PTPRD: variants seen among roughly 807,000 people sequenced by gnomAD.
The protein encoded by PTPRD is receptor-type tyrosine-protein phosphatase delta.
PTPRD carries 34 observed loss-of-function variants against 214.5 expected under a neutral mutation model. The observed-to-expected ratio is 0.16, with a 90% CI of 0.12 to 0.21. The LOEUF (loss-of-function observed/expected upper bound fraction) is 0.21. PTPRD is among the 10% of genes least tolerant of loss of function. The pLI is 1.00. For missense variants in PTPRD, 2,545 were observed against 2,398.7 expected (o/e 1.06, Z -1.27); for synonymous variants, 1,128 against 845.7 (o/e 1.33, Z -5.79).
chr9:9,975,058 C>G (rs2382092), intron 4 of PTPRD, among the ~76,000 whole-genome samples: 87,697 of 132,802 alleles, frequency 0.66, 26,418 homozygotes, highest in Middle Eastern at 0.8. Context: ...GGTCGTATCA[C>G]AATCAACTGA....
At chr9:10,295,124 A>T (rs1257766945) in intron 3 of PTPRD, among the ~76,000 whole-genome samples, 3 of 152,090 alleles carry the variant, frequency 2.0e-5, no homozygotes, top group Admixed American at 1.3e-4. Flanking sequence ...TATTGTATAC[A>T]TGGATTGCCT....
chr9:10,233,231 T>A (rs923854722), intron 3 of PTPRD, among the ~76,000 whole-genome samples: 1 of 151,992 alleles, frequency 6.6e-6, no homozygotes, highest in African/African-American at 2.4e-5. Context: ...GTGACTAAGG[T>A]CTAAGAAGGA....
chr9:9,186,423 A>C (rs979803743), intron 9 of PTPRD, among the ~76,000 whole-genome samples: 1 of 152,106 alleles, frequency 6.6e-6, no homozygotes. Flanking sequence ...AAGCCTGGGC[A>C]ACATCATAAG....
intron 11 of PTPRD, among the ~76,000 whole-genome samples, chr9:8,804,761 T>C (rs10481625): frequency 0.74 from 112,374 of 151,984 alleles, 41,575 homozygotes; most frequent in Middle Eastern, 0.82. Flanking sequence ...CCTTTTAGTG[T>C]GCTGAAGAAA....
chr9:9,620,941 T>C (rs1167143281), intron 7 of PTPRD, among the ~76,000 whole-genome samples: 1 of 152,002 alleles, frequency 6.6e-6, no homozygotes, highest in African/African-American at 2.4e-5. Flanking sequence ...TAATAGCCTT[T>C]ATTGCAAGCC....
rs1592712097 is a variant in PTPRD at position 9,163,550 on chromosome 9, G to A, written c.-143+19754C>T. Among the ~76,000 whole-genome samples, 2 of 150,914 alleles carry A rather than the reference G, an allele frequency of 1.3e-5. 1 individual carries two copies. Among genetic ancestry groups the A allele is most frequent in the Middle Eastern group, 6.9e-3 (2 of 290 alleles). Reference sequence around the variant, plus strand: ...TATGTATTTTTTCTCCTCATTGGTTGCCATCTCTTCCTAATTGGCCTTTTT... The same window carrying A: ...TATGTATTTTTTCTCCTCATTGGTTACCATCTCTTCCTAATTGGCCTTTTT... On this transcript the variant is annotated intron_variant, in intron 10 of 45. Coordinates refer to ENST00000381196, the MANE Select transcript of PTPRD (RefSeq NM_002839.4).
intron 33 of PTPRD, among the ~76,000 whole-genome samples, chr9:8,457,171 T>G (rs776955135): frequency 1.3e-5 from 2 of 152,132 alleles, no homozygotes; most frequent in Non-Finnish European, 2.9e-5. Context: ...AACTTTGTAA[T>G]GAAGAAATGT....
intron 3 of PTPRD, among the ~76,000 whole-genome samples, chr9:10,234,650 A>G (rs932345103): frequency 7.9e-5 from 12 of 151,990 alleles, no homozygotes; most frequent in Non-Finnish European, 1.5e-4. Context: ...TCAAAGCTAT[A>G]AAAGTTGTTA....
intron 12 of PTPRD, among the ~76,000 whole-genome samples, chr9:8,662,862 A>T (rs963211953): frequency 6.6e-6 from 1 of 152,078 alleles, no homozygotes; most frequent in African/African-American, 2.4e-5. Flanking sequence ...CCTTTTTATG[A>T]TGATTATCTT....
intron 10 of PTPRD, among the ~76,000 whole-genome samples, chr9:9,182,442 A>G (rs1262237136): frequency 2.0e-5 from 3 of 152,076 alleles, no homozygotes; most frequent in Non-Finnish European, 4.4e-5. Flanking sequence ...GTTTGTATTT[A>G]GAAACATTGA....
rs542600681 is a variant in PTPRD at position 9,325,168 on chromosome 9, A to G, written c.-203+72281T>C. 5.9e-3 allele frequency among the ~76,000 whole-genome samples: 892 copies of G among 152,116 alleles called. 4 individuals are homozygous for G. The highest frequency in any genetic ancestry group is 8.1e-3 in the Non-Finnish European group (551 of 67,962). ...TCTTTTGGCTTAGGATTGTCTTGGCAATGTGGTCTCTTTTTTGGTTCCATA... is the reference window on the plus strand; with the variant it reads ...TCTTTTGGCTTAGGATTGTCTTGGCGATGTGGTCTCTTTTTTGGTTCCATA... On this transcript the variant is annotated intron_variant, in intron 9 of 45. Coordinates refer to ENST00000381196, the MANE Select transcript of PTPRD (RefSeq NM_002839.4).
At chr9:10,290,483 T>C (rs2095496027) in intron 3 of PTPRD, among the ~76,000 whole-genome samples, 2 of 152,184 alleles carry the variant, frequency 1.3e-5, no homozygotes, top group African/African-American at 4.8e-5. Flanking sequence ...TGTATCACAG[T>C]GCAGCTTAAT....
At chr9:9,690,080 G>A (rs532045869) in intron 7 of PTPRD, among the ~76,000 whole-genome samples, 1 of 151,944 alleles carries the variant, frequency 6.6e-6, no homozygotes, top group African/African-American at 2.4e-5. Context: ...ATTTTCCCTA[G>A]TAGCTGTACT....
intron 3 of PTPRD, among the ~76,000 whole-genome samples, chr9:10,233,718 T>C (rs767116041): frequency 3.9e-5 from 6 of 151,996 alleles, no homozygotes; most frequent in Non-Finnish European, 8.8e-5. Flanking sequence ...TAAGCTAACT[T>C]TTCAGATAAT....
intron 3 of PTPRD, among the ~76,000 whole-genome samples, chr9:10,233,054 C>T (rs2099617072): frequency 6.6e-6 from 1 of 151,966 alleles, no homozygotes; most frequent in Non-Finnish European, 1.5e-5. Flanking sequence ...ATGTGAAGCT[C>T]CTTGACTGTA....
chr9:10,182,907 A>G (rs17620435), intron 3 of PTPRD, among the ~76,000 whole-genome samples: 8,447 of 152,178 alleles, frequency 0.056, 321 homozygotes, highest in Admixed American at 0.1. Context: ...AAATGACACC[A>G]TGTACTTGAT....
At chr9:8,439,740 G>GA (rs1289628709) in intron 34 of PTPRD, among the ~76,000 whole-genome samples, 4 of 151,016 alleles carry the variant, frequency 2.6e-5, no homozygotes, top group South Asian at 2.1e-4. Flanking sequence ...GCCCAATATT[G>GA]AAAAAAAATG....
intron 2 of PTPRD, among the ~76,000 whole-genome samples, chr9:10,424,145 T>C (rs987638766): frequency 2.0e-5 from 3 of 152,018 alleles, no homozygotes; most frequent in African/African-American, 7.2e-5. Flanking sequence ...ATTATGGTCA[T>C]ATCCAGAGAC....
chr9:9,458,684 T>C (rs1366418244), intron 8 of PTPRD, among the ~76,000 whole-genome samples: 1 of 152,084 alleles, frequency 6.6e-6, no homozygotes, highest in South Asian at 2.1e-4. Flanking sequence ...GCTCACTCCT[T>C]AATCCCAGCA....
Sources: gnomAD v4.1 joint callset for allele counts (sites outside exome capture counted in the v4.1 genomes callset) on GRCh38, gnomAD v4.1.1 for gene constraint, MANE v1.5 for transcripts, NCBI Gene and HGNC (gene_info 2026-07-23, HGNC 2026-07-21) for gene names.